CABIN1: variants seen among roughly 807,000 people sequenced by gnomAD.
The protein encoded by CABIN1 is calcineurin-binding protein cabin-1.
CABIN1 carries 133 observed loss-of-function variants against 227.7 expected under a neutral mutation model. The observed-to-expected ratio is 0.58, with a 90% CI of 0.51 to 0.67. The LOEUF (loss-of-function observed/expected upper bound fraction) is 0.67. Among genes scored for constraint, CABIN1 ranks in the 30% least tolerant of loss-of-function variants. The pLI, the probability that CABIN1 is intolerant of heterozygous loss-of-function variation, is 0.00. For synonymous variants in CABIN1, 1,086 were observed against 1,155.1 expected (o/e 0.94, Z 1.21); for missense variants, 2,408 against 2,852.5 (o/e 0.84, Z 3.55).
Position 24,119,661 on chromosome 22 carries a change from G to A in CABIN1, c.4595G>A (p.Arg1532His), listed in dbSNP as rs758976712. 10 of 1,613,988 alleles carry A rather than the reference G, an allele frequency of 6.2e-6. No homozygotes were observed. The highest frequency in any genetic ancestry group is 4.4e-5 in the South Asian group (4 of 91,092). ...CCCCAGCACTATAAGAGTCTCTACCGTCTGGCCTTCCTCTACACCTACAGC... is the reference window on the plus strand; with the variant it reads ...CCCCAGCACTATAAGAGTCTCTACCATCTGGCCTTCCTCTACACCTACAGC... ...RFPQHYKSLYRLAFLYTYSKT... is the reference protein window; with the variant it reads ...RFPQHYKSLYHLAFLYTYSKT... Residue 1532 changes from arginine to histidine, a missense_variant, in exon 28 of 37, where the codon CGT becomes CAT. By Grantham distance (29) the Arg-to-His change is conservative. Around this residue, in one of 3 missense-constraint regions of CABIN1, gnomAD observed 649 missense variants for 910.3 expected, o/e 0.71. Transcript: ENST00000263119.
chr22:24,022,891 A>G (rs973503886), intron 1 of CABIN1, among the ~76,000 whole-genome samples: 1 of 152,126 alleles, frequency 6.6e-6, no homozygotes, highest in Non-Finnish European at 1.5e-5. Context: ...TCTTTTGCCC[A>G]TTTTTTAATT....
intron 4 of CABIN1, 89 bp downstream of exon 4, chr22:24,038,550 C>A: frequency 1.1e-6 from 1 of 891,758 alleles, no homozygotes; most frequent in Non-Finnish European, 1.9e-6. Context: ...TCTGCTCTCC[C>A]ATTTCTTGGC....
chr22:24,096,421 T>C (rs1328590031), intron 25 of CABIN1, among the ~76,000 whole-genome samples: 1 of 152,220 alleles, frequency 6.6e-6, no homozygotes, highest in Non-Finnish European at 1.5e-5. Flanking sequence ...AGTCAGTTTT[T>C]GCTTTGCAGA....
chr22:24,067,241 T>G, intron 16 of CABIN1, 60 bp downstream of exon 16: 2 of 1,565,552 alleles, frequency 1.3e-6, no homozygotes, highest in South Asian at 2.2e-5. Context: ...TTGTTTGTGT[T>G]TATTCTCTGG....
intron 1 of CABIN1, among the ~76,000 whole-genome samples, chr22:24,017,676 C>T (rs1365985564): frequency 6.6e-6 from 1 of 152,102 alleles, no homozygotes; most frequent in Non-Finnish European, 1.5e-5. Flanking sequence ...TTTTTTGTGA[C>T]ATGTGTCAGG....
At chr22:24,051,087 G>T in intron 8 of CABIN1, 113 bp downstream of exon 8, 1 of 1,394,416 alleles carries the variant, frequency 7.2e-7, no homozygotes, top group East Asian at 2.3e-5. Flanking sequence ...TTGGTGGTAT[G>T]AATGGGGGCT....
Position 24,084,631 on chromosome 22 carries a change from A to G in CABIN1, c.2963A>G (p.Lys988Arg), listed in dbSNP as rs1269739501. The G allele has an allele frequency of 1.9e-6, 3 of 1,614,052 alleles. No homozygotes were observed. The highest frequency in any genetic ancestry group is 2.5e-6 in the Non-Finnish European group (3 of 1,179,996). ...ALFMFEYFKP[K>R]TLPEFDSYKT... ...TTCATGTTTGAGTATTTTAAGCCCA[A>G]GACCCTTCCTGAATTTGACAGCTAT... is the stretch of plus-strand genomic sequence containing the variant. The change falls in exon 21 of 37, where the codon AAG becomes AGG. Residue 988 changes from lysine to arginine, a missense_variant. Around this residue, in one of 3 missense-constraint regions of CABIN1, gnomAD observed 649 missense variants for 910.3 expected, o/e 0.71. Transcript: ENST00000263119.
intron 13 of CABIN1, 25 bp downstream of exon 13, chr22:24,062,050 G>GC: frequency 6.3e-7 from 1 of 1,590,762 alleles, no homozygotes; most frequent in Non-Finnish European, 8.6e-7. Context: ...GTGTTCTGTG[G>GC]CCAGGCTAAT....
At chr22:24,088,342 G>T (rs1302904933) in intron 23 of CABIN1, among the ~76,000 whole-genome samples, 1 of 152,190 alleles carries the variant, frequency 6.6e-6, no homozygotes, top group Non-Finnish European at 1.5e-5. Context: ...GGGTGTGGTG[G>T]CTCACGCCTG....
At chr22:24,165,729 G>C in intron 31 of CABIN1, 103 bp downstream of exon 31, 22 of 936,890 alleles carry the variant, frequency 2.3e-5, no homozygotes, top group Non-Finnish European at 3.2e-5. Flanking sequence ...CCTTAGGCAG[G>C]ATGTGCCTAA....
intron 28 of CABIN1, among the ~76,000 whole-genome samples, chr22:24,120,491 A>G (rs2043345441): frequency 6.6e-6 from 1 of 152,096 alleles, no homozygotes; most frequent in Non-Finnish European, 1.5e-5. Flanking sequence ...GTTGTCCTGC[A>G]CCATGTAGCT....
chr22:24,063,558 A>C (rs935756004), intron 14 of CABIN1, among the ~76,000 whole-genome samples: 3 of 152,140 alleles, frequency 2.0e-5, no homozygotes, highest in African/African-American at 7.2e-5. Context: ...GTTCTGGGAA[A>C]GCTTCCCTTC....
chr22:24,178,034 C>T lies in CABIN1; in HGVS notation c.6520-19C>T, dbSNP rs773035791. On this transcript the variant is annotated intron_variant, in intron 36 of 36. Coordinates refer to ENST00000263119, the MANE Select transcript of CABIN1 (RefSeq NM_012295.4). The stretch of plus-strand genomic sequence containing the variant: ...GCCCAGCCATCCTTGACCAGTGCCC[C>T]GCCCGGCCCTCTCCGCAGTCAGCCA... The T allele has an allele frequency of 8.1e-6, 13 of 1,613,026 alleles. No individual in the cohort carries two copies. Among genetic ancestry groups the T allele is most frequent in the African/African-American group, 4.0e-5 (3 of 74,968 alleles).
At chr22:24,081,360 TTTCTC>T (rs1368274225) in intron 19 of CABIN1, among the ~76,000 whole-genome samples, 1 of 152,176 alleles carries the variant, frequency 6.6e-6, no homozygotes, top group East Asian at 1.9e-4. Context: ...CCAATTAGAT[TTTCTC>T]TTCTCAAGTC....
At chr22:24,106,996 G>A (rs752255120) in intron 26 of CABIN1, among the ~76,000 whole-genome samples, 35 of 152,136 alleles carry the variant, frequency 2.3e-4, no homozygotes, top group Non-Finnish European at 4.6e-4. Flanking sequence ...GCAGAAAATG[G>A]GCCTTGGGCC....
chr22:24,134,380 C>T lies in CABIN1; in HGVS notation c.4711C>T (p.Leu1571Phe). The change falls in exon 29 of 37, where the codon CTC (leucine) becomes TTC (phenylalanine). Residue 1571 changes from leucine to phenylalanine, a missense_variant. By Grantham distance (22) the Leu-to-Phe change is conservative. Around this residue, in one of 3 missense-constraint regions of CABIN1, gnomAD observed 649 missense variants for 910.3 expected, o/e 0.71. Transcript: ENST00000263119. ...QQLQHMPAQGLFCERNKTNFF... is the reference protein window; with the variant it reads ...QQLQHMPAQGFFCERNKTNFF... Reference sequence around the variant, plus strand: ...ACTGCAGCACATGCCGGCACAGGGGCTCTTCTGCGAGAGGAACAAGACCAA... The same window carrying T: ...ACTGCAGCACATGCCGGCACAGGGGTTCTTCTGCGAGAGGAACAAGACCAA... The T allele has an allele frequency of 6.2e-7, 1 of 1,614,140 alleles. No homozygotes were observed. Among genetic ancestry groups the T allele is most frequent in the Non-Finnish European group, 8.5e-7 (1 of 1,179,968 alleles).
At chr22:24,095,766 T>G (rs192167503) in intron 24 of CABIN1, among the ~76,000 whole-genome samples, 165 bp from the exon 25 acceptor site, 34 of 152,286 alleles carry the variant, frequency 2.2e-4, no homozygotes, top group African/African-American at 7.7e-4. Flanking sequence ...CACAGCTTGT[T>G]TTAAATTAGT....
Position 24,038,283 on chromosome 22 carries a change from C to T in CABIN1, c.97-65C>T, listed in dbSNP as rs1179690373. On this transcript the variant is annotated intron_variant, in intron 3 of 36. Transcript: ENST00000263119. ...TCTGACTGTAGCCCCGCCTTACACA[C>T]ATTTTTGGCTTAAAAAAGACAGATC... 2.3e-6 allele frequency: 3 copies of T among 1,305,274 alleles called. No individual in the cohort carries two copies. In the African/African-American group the frequency reaches 4.3e-5, roughly 19 times the overall value. 80.9% of individuals were successfully genotyped at this position (1,305,274 alleles called of 1,614,324 possible).
chr22:24,050,942 C>T lies in CABIN1; in HGVS notation c.774C>T (p.Asp258=), dbSNP rs746460053. ...TGATTGTGCGGGAGAAGGAGCCGGA[C>T]CTGAAACTTGTGCAGCCCATTCCTT... ...QALIVREKEP[D]LKLVQPIPFF... Residue 258 remains aspartate (D), a synonymous_variant, in exon 8 of 37, where the codon GAC becomes GAT. Transcript: ENST00000263119. 29 of 1,614,064 alleles carry T rather than the reference C, an allele frequency of 1.8e-5. No homozygotes were observed. The highest frequency in any genetic ancestry group is 5.0e-5 in the Admixed American group (3 of 60,002).
Sources: gnomAD v4.1 joint callset for allele counts (sites outside exome capture counted in the v4.1 genomes callset) on GRCh38, gnomAD v4.1.1 for gene constraint, gnomAD v4.1.1 regional missense constraint, MANE v1.5 for transcripts, NCBI Gene and HGNC (gene_info 2026-07-23, HGNC 2026-07-21) for gene names.